The following DMXL1 variants were observed in gnomAD, a reference collection of about 807,000 sequenced individuals.
DMXL1 encodes the protein Dmx like 1, also known as dmX-like protein 1.
In DMXL1, 99 loss-of-function variants were observed where a neutral mutation model predicts 319.2. That is an observed-to-expected ratio of 0.31 (90% CI 0.26 to 0.37). The LOEUF is 0.37. Among genes scored for constraint, DMXL1 ranks in the 10% least tolerant of loss-of-function variants. DMXL1 has a pLI of 1.00. For missense variants in DMXL1, 3,745 were observed against 3,595.6 expected (o/e 1.04, Z -1.06); for synonymous variants, 1,385 against 1,235.2 (o/e 1.12, Z -2.54).
In DMXL1 at chr5:119,149,625, A is replaced by G; in HGVS notation, c.3798A>G (p.Ile1266Met). Residue 1266 changes from isoleucine (I) to methionine (M), a missense_variant, in exon 18 of 44, where the codon ATA becomes ATG. Transcript: ENST00000539542. ...GCACTCCATCTATAACAAGTTTAAT[A>G]AAACAGAGTAACTCCAGTTCTGGGT... Reference protein sequence around the residue: ...SGSTPSITSLIKQSNSSSGLH... With the variant: ...SGSTPSITSLMKQSNSSSGLH... The G allele has an allele frequency of 1.2e-6, 2 of 1,613,896 alleles. No individual in the cohort carries two copies. The highest frequency in any genetic ancestry group is 8.5e-7 in the Non-Finnish European group (1 of 1,179,888).
chr5:119,074,550 A>T (rs1413088251), intron 1 of DMXL1, among the ~76,000 whole-genome samples: 3 of 152,198 alleles, frequency 2.0e-5, no homozygotes, highest in Non-Finnish European at 4.4e-5. Context: ...ATGAAACTGA[A>T]TGCCACTTCT....
intron 1 of DMXL1, among the ~76,000 whole-genome samples, chr5:119,078,840 T>C (rs1335406850): frequency 3.9e-4 from 60 of 152,250 alleles, no homozygotes; most frequent in Admixed American, 3.8e-3. Flanking sequence ...ATTCTTGACC[T>C]TATTACCTGT....
At chr5:119,089,988 T>G (rs1754347884) in intron 1 of DMXL1, among the ~76,000 whole-genome samples, 1 of 142,850 alleles carries the variant, frequency 7.0e-6, no homozygotes, top group Non-Finnish European at 1.5e-5. Flanking sequence ...TATTTTATGC[T>G]TCGGGTTAGT....
At chr5:119,105,127 G>T in intron 3 of DMXL1, 53 bp from the exon 4 acceptor site, 1 of 1,152,444 alleles carries the variant, frequency 8.7e-7, no homozygotes, top group South Asian at 1.2e-5. Context: ...GTACACATTT[G>T]ACAGAGAAAA....
intron 28 of DMXL1, 23 bp downstream of exon 28, chr5:119,178,267 G>A: frequency 1.9e-6 from 3 of 1,603,666 alleles, no homozygotes; most frequent in South Asian, 1.1e-5. Context: ...AATTTTTTTA[G>A]GACTGAAGCT....
intron 29 of DMXL1, among the ~76,000 whole-genome samples, chr5:119,191,831 G>A (rs758200916): frequency 4.1e-4 from 63 of 152,344 alleles, no homozygotes; most frequent in Middle Eastern, 6.8e-3. Context: ...AGAGATTGGG[G>A]TGGGATGGGA....
chr5:119,105,165 T>G lies in DMXL1; in HGVS notation c.286-15T>G. 3 of 1,577,540 alleles carry G rather than the reference T, an allele frequency of 1.9e-6. No individual in the cohort carries two copies. Among genetic ancestry groups the G allele is most frequent in the African/African-American group, 2.7e-5 (2 of 74,282 alleles). Reference sequence around the variant, plus strand: ...TGCCAATCATAATGGGCTAAATGACTTTTCTTAATTTTAGGAATTATATAG... The same window carrying G: ...TGCCAATCATAATGGGCTAAATGACGTTTCTTAATTTTAGGAATTATATAG... On this transcript the variant is annotated splice_polypyrimidine_tract_variant and intron_variant, in intron 3 of 43. Coordinates refer to ENST00000539542, the MANE Select transcript of DMXL1 (RefSeq NM_001290321.3).
rs766949992 is a variant in DMXL1, at chr5:119,224,699, A to G, written c.8278-10A>G. Reference sequence around the variant, plus strand: ...ATTATGCCTATAAAATAATTTTTCTATTTTACCAGATGATTAAGAAAGCCA... The same window carrying G: ...ATTATGCCTATAAAATAATTTTTCTGTTTTACCAGATGATTAAGAAAGCCA... On this transcript the variant is annotated splice_polypyrimidine_tract_variant and intron_variant, in intron 37 of 43. Transcript: ENST00000539542. The G allele has an allele frequency of 5.2e-6, 6 of 1,155,588 alleles. No individual in the cohort carries two copies. The highest frequency in any genetic ancestry group is 4.0e-5 in the South Asian group (2 of 49,778). The allele number at this position is 1,155,588 out of a possible 1,614,324, so 71.6% of individuals were successfully genotyped here. A position where few individuals can be genotyped will look rare whatever the true frequency, so the allele number is the denominator to read the frequency against.
At chr5:119,234,552 G>A (rs747774994) in intron 39 of DMXL1, among the ~76,000 whole-genome samples, 12 of 152,068 alleles carry the variant, frequency 7.9e-5, no homozygotes, top group Non-Finnish European at 1.8e-4. Context: ...ATGTAGTTGT[G>A]AAACAAAATT....
intron 38 of DMXL1, among the ~76,000 whole-genome samples, chr5:119,229,814 A>G (rs1786326110): frequency 6.6e-6 from 1 of 152,208 alleles, no homozygotes; most frequent in African/African-American, 2.4e-5. Context: ...CATTCTATAG[A>G]GTAGCAAATC....
In DMXL1 at chr5:119,071,671, C is replaced by G; in HGVS notation, c.87+15C>G. 1 of 1,572,504 alleles carries G rather than the reference C, an allele frequency of 6.4e-7. No homozygotes were observed. Among genetic ancestry groups the G allele is most frequent in the East Asian group, 2.4e-5 (1 of 42,464 alleles). ...AGCGCTTCACGGTGAGTGAGGGAGGCCCTCGCGTCGCCCGTGGCCCGGCCT... is the reference window on the plus strand; with the variant it reads ...AGCGCTTCACGGTGAGTGAGGGAGGGCCTCGCGTCGCCCGTGGCCCGGCCT... On this transcript the variant is annotated intron_variant, in intron 1 of 43. Transcript: ENST00000539542.
intron 38 of DMXL1, among the ~76,000 whole-genome samples, chr5:119,230,615 G>C (rs1581453576): frequency 6.6e-6 from 1 of 152,190 alleles, no homozygotes; most frequent in Non-Finnish European, 1.5e-5. Flanking sequence ...GGGCACAGTG[G>C]CTCACGCCTG....
chr5:119,121,093 T>C lies in DMXL1; in HGVS notation c.1056T>C (p.Asn352=). The change falls in exon 9 of 44, where the codon AAT becomes AAC. Residue 352 remains asparagine, a synonymous_variant. Coordinates refer to ENST00000539542, the MANE Select transcript of DMXL1 (RefSeq NM_001290321.3). ...ACAGGAACACTCCACTGCATGCCAATGCACTTTGCCACTTTCATATTGCAG... is the reference window on the plus strand; with the variant it reads ...ACAGGAACACTCCACTGCATGCCAACGCACTTTGCCACTTTCATATTGCAG... ...HVHRNTPLHA[N]ALCHFHIAAS... 6.2e-7 allele frequency: 1 copy of C among 1,610,520 alleles called. No individual in the cohort carries two copies. Among genetic ancestry groups the C allele is most frequent in the Non-Finnish European group, 8.5e-7 (1 of 1,179,058 alleles).
chr5:119,232,072 C>T (rs1275857626), intron 38 of DMXL1, among the ~76,000 whole-genome samples: 1 of 152,044 alleles, frequency 6.6e-6, no homozygotes, highest in African/African-American at 2.4e-5. Flanking sequence ...CTTTGAACTC[C>T]TGGGCTCAAG....
chr5:119,167,693 T>C lies in DMXL1; in HGVS notation c.5227T>C (p.Ser1743Pro), dbSNP rs1447162043. The C allele has an allele frequency of 1.2e-6, 2 of 1,613,562 alleles. No individual in the cohort carries two copies. The highest frequency in any genetic ancestry group is 1.7e-6 in the Non-Finnish European group (2 of 1,179,696). ...SEFDTSAAYKSILRKKVLGID... is the reference protein window; with the variant it reads ...SEFDTSAAYKPILRKKVLGID... ...ATTTGATACATCTGCAGCATATAAA[T>C]CTATTTTACGTAAAAAAGTTTTGGG... Residue 1743 changes from serine to proline, a missense_variant, in exon 23 of 44, where the codon TCT (serine) becomes CCT (proline). This residue lies in a region of DMXL1 where 1,382 missense variants were observed against 1,269.5 expected (regional missense o/e 1.09). Coordinates refer to ENST00000539542, the MANE Select transcript of DMXL1 (RefSeq NM_001290321.3).
At chr5:119,188,728 T>C (rs542630035) in intron 28 of DMXL1, among the ~76,000 whole-genome samples, 2 of 152,392 alleles carry the variant, frequency 1.3e-5, no homozygotes, top group East Asian at 3.9e-4. Context: ...AGAATACTAA[T>C]ATTTTATTCA....
intron 43 of DMXL1, among the ~76,000 whole-genome samples, chr5:119,245,031 T>A (rs1277851791): frequency 6.6e-6 from 1 of 152,232 alleles, no homozygotes; most frequent in Non-Finnish European, 1.5e-5. Context: ...CAGAGTCCAT[T>A]GTGTTGAAAA....
At chr5:119,119,437 T>C (rs1324546956) in intron 8 of DMXL1, among the ~76,000 whole-genome samples, 1 of 152,184 alleles carries the variant, frequency 6.6e-6, no homozygotes, top group East Asian at 1.9e-4. Context: ...AAAGTCAATT[T>C]TTGATTTTTG....
chr5:119,196,627 C>G lies in DMXL1; in HGVS notation c.7543+171C>G, dbSNP rs545463160. Among the ~76,000 whole-genome samples, 443 of 148,356 alleles carry G rather than the reference C, an allele frequency of 3.0e-3. 4 individuals carry two copies. Among genetic ancestry groups the G allele is most frequent in the African/African-American group, 0.011 (437 of 40,374 alleles). The stretch of plus-strand genomic sequence containing the variant: ...ACCATCTGTAAATGTATCCGTCATA[C>G]TGTTAGGTGCTTGAGGATGGCAACA... On this transcript the variant is annotated intron_variant, in intron 31 of 43. Coordinates refer to ENST00000539542, the MANE Select transcript of DMXL1 (RefSeq NM_001290321.3).
Sources: allele counts gnomAD v4.1 joint callset (sites outside exome capture counted in the v4.1 genomes callset), GRCh38; gene constraint gnomAD v4.1.1; regional missense constraint gnomAD v4.1.1; transcripts MANE v1.5; gene names NCBI Gene and HGNC (gene_info 2026-07-23, HGNC 2026-07-21).